DGKD: variants seen among roughly 807,000 people sequenced by gnomAD.
DGKD encodes the protein diacylglycerol kinase delta.
A neutral mutation model predicts 154.4 loss-of-function variants in DGKD; 68 were observed. That is an observed-to-expected ratio of 0.44 (90% CI 0.36 to 0.54). DGKD has a LOEUF of 0.54. Among genes scored for constraint, DGKD ranks in the 20% least tolerant of loss-of-function variants. The probability of loss-of-function intolerance (pLI) is 0.00; values close to 1 mark genes in which losing one functional copy is unlikely to be tolerated. For missense variants in DGKD, 1,343 were observed against 1,593.6 expected, an observed-to-expected ratio of 0.84 and a Z score of 2.68; for synonymous variants, 693 against 638.0, an observed-to-expected ratio of 1.09 and a Z score of -1.30.
At chr2:233,426,576 G>A (rs918736356) in intron 3 of DGKD, among the ~76,000 whole-genome samples, 3 of 152,060 alleles carry the variant, frequency 2.0e-5, no homozygotes, top group Non-Finnish European at 4.4e-5. Context: ...AGTATATGTC[G>A]TCTTGTGTCA....
intron 10 of DGKD, among the ~76,000 whole-genome samples, chr2:233,443,686 C>T (rs935468485): frequency 5.3e-5 from 8 of 152,350 alleles, no homozygotes; most frequent in East Asian, 1.9e-4. Context: ...TTTGACAGCT[C>T]GGGCCGTGAG....
chr2:233,360,758 T>A (rs1391267572), intron 1 of DGKD, among the ~76,000 whole-genome samples: 7 of 152,066 alleles, frequency 4.6e-5, no homozygotes, highest in African/African-American at 1.2e-4. Context: ...GGTTTCTTTA[T>A]AAGAGGAAGG....
In DGKD at chr2:233,451,003, G is replaced by A; in HGVS notation, c.2120G>A (p.Gly707Glu). The A allele has an allele frequency of 5.0e-6, 8 of 1,612,394 alleles. No homozygotes were observed. The highest frequency in any genetic ancestry group is 5.9e-6 in the Non-Finnish European group (7 of 1,178,548). Residue 707 changes from glycine to glutamate, a missense_variant, in exon 17 of 30, where the codon GGA becomes GAA. Gly to Glu is a moderately conservative substitution (Grantham distance 98). Coordinates refer to ENST00000264057, the MANE Select transcript of DGKD (RefSeq NM_152879.3). ...GSSASLPPQP[G>E]SRDGLPALNT... ...TCTGCTTCCCTTCCGCCCCAGCCGG[G>A]AAGCCGGGACGGCCTGCCTGCGCTC...
At chr2:233,455,431 G>A (rs1331771158) in intron 19 of DGKD, among the ~76,000 whole-genome samples, 1 of 152,200 alleles carries the variant, frequency 6.6e-6, no homozygotes, top group African/African-American at 2.4e-5. Flanking sequence ...AAAATGAGAA[G>A]GGTCCCTCTT....
Position 233,449,311 on chromosome 2 carries a change from A to C in DGKD, c.1823A>C (p.Gln608Pro). The change falls in exon 15 of 30, where the codon CAG becomes CCG. Residue 608 changes from glutamine (Q) to proline (P), a missense_variant. Physicochemically the swap from Gln to Pro is moderately conservative, Grantham distance 76. Coordinates refer to ENST00000264057, the MANE Select transcript of DGKD (RefSeq NM_152879.3). The surrounding 1 kb of genome is among the most constrained non-coding windows in gnomAD (Gnocchi z 5.3). ...ARPQIFRPREQLMLRANSLKK... is the reference protein window; with the variant it reads ...ARPQIFRPREPLMLRANSLKK... The stretch of plus-strand genomic sequence containing the variant: ...CCGCAGATATTCCGGCCTCGAGAAC[A>C]GCTCATGCTGAGAGCCAACAGCCTG... 1 of 1,612,788 alleles carries C rather than the reference A, an allele frequency of 6.2e-7. No individual in the cohort carries two copies. Among genetic ancestry groups the C allele is most frequent in the Non-Finnish European group, 8.5e-7 (1 of 1,178,988 alleles).
intron 1 of DGKD, among the ~76,000 whole-genome samples, chr2:233,376,789 C>G (rs763367138): frequency 2.5e-4 from 38 of 152,182 alleles, no homozygotes; most frequent in Admixed American, 4.6e-4. Context: ...AATGAGTAAT[C>G]TTTGGAAAGT....
intron 16 of DGKD, among the ~76,000 whole-genome samples, chr2:233,450,352 G>A (rs936005316): frequency 6.6e-6 from 1 of 152,110 alleles, no homozygotes. Context: ...TAGAACCCGC[G>A]AGACCCCCTC....
chr2:233,359,204 G>A (rs761662785), intron 1 of DGKD, among the ~76,000 whole-genome samples: 4 of 152,218 alleles, frequency 2.6e-5, no homozygotes, highest in Non-Finnish European at 5.9e-5. Flanking sequence ...GCATGCGATT[G>A]TGGACAGGGT....
rs577387229 is a variant in DGKD, at chr2:233,459,046, G to A, written c.2694+649G>A. 1.7e-4 allele frequency among the ~76,000 whole-genome samples: 26 copies of A among 152,342 alleles called. No homozygotes were observed. In the South Asian group the frequency reaches 4.6e-3, roughly 27 times the overall value. ...GGGACGGAGCCCATGGCTCTGATGT[G>A]GGGTGTGGGAGGATTTCCAGCTGGG... On this transcript the variant is annotated intron_variant, in intron 22 of 29. Coordinates refer to ENST00000264057, the MANE Select transcript of DGKD (RefSeq NM_152879.3). The surrounding 1 kb of genome is among the most constrained non-coding windows in gnomAD (Gnocchi z 5.7).
rs2124987541 is a variant in DGKD, at chr2:233,471,747, A to G, written c.*2287A>G. ...AAGTTAGAATGTGAGGAAGGAATGAACATGAGTGTTTAGGAACCTGCCCTT... is the reference window on the plus strand; with the variant it reads ...AAGTTAGAATGTGAGGAAGGAATGAGCATGAGTGTTTAGGAACCTGCCCTT... On this transcript the variant is annotated 3_prime_UTR_variant, in exon 30 of 30. Transcript: ENST00000264057. 1 of 152,530 alleles carries G rather than the reference A, an allele frequency of 6.6e-6. No homozygotes were observed. Among genetic ancestry groups the G allele is most frequent in the Non-Finnish European group, 1.5e-5 (1 of 68,046 alleles). The allele number at this position is 152,530 out of a possible 1,614,324, so 9.4% of individuals were successfully genotyped here.
At chr2:233,355,606 C>T (rs1357707942) in intron 1 of DGKD, among the ~76,000 whole-genome samples, 1 of 152,216 alleles carries the variant, frequency 6.6e-6, no homozygotes, top group Non-Finnish European at 1.5e-5. Context: ...TCTCTTCTGT[C>T]AGCCTTTGAT....
intron 1 of DGKD, among the ~76,000 whole-genome samples, chr2:233,367,823 C>T (rs1027145834): frequency 9.6e-5 from 14 of 145,354 alleles, no homozygotes; most frequent in African/African-American, 3.6e-4. Flanking sequence ...TTACAGATTT[C>T]TAGGTCTTTT....
Position 233,410,491 on chromosome 2 carries a change from T to TAATCACACCAATGAAGAG in DGKD, c.348+20010_348+20027dup, listed in dbSNP as rs1459507908. Among the ~76,000 whole-genome samples, 5 of 152,214 alleles carry TAATCACACCAATGAAGAG rather than the reference T, an allele frequency of 3.3e-5. No individual in the cohort carries two copies. In the East Asian group the frequency reaches 9.6e-4, roughly 29 times the overall value. The stretch of plus-strand genomic sequence containing the variant: ...TCACTAGATACCTTGGGGTGATATC[T>TAATCACACCAATGAAGAG]AATCACACCAATGAAGAGATTGGGT... On this transcript the variant is annotated intron_variant, in intron 3 of 29. Coordinates refer to ENST00000264057, the MANE Select transcript of DGKD (RefSeq NM_152879.3).
At chr2:233,451,418 G>A (rs367850399) in intron 17 of DGKD, among the ~76,000 whole-genome samples, 47 of 152,248 alleles carry the variant, frequency 3.1e-4, no homozygotes, top group East Asian at 2.3e-3. Flanking sequence ...CGCAGGAGGC[G>A]CAGGGAGGGT....
chr2:233,407,408 A>C (rs2061712827), intron 3 of DGKD, among the ~76,000 whole-genome samples: 1 of 152,246 alleles, frequency 6.6e-6, no homozygotes, highest in Admixed American at 6.5e-5. Context: ...TTTAACATAT[A>C]AGATGCCTTT....
chr2:233,378,182 G>A (rs1245871885), intron 1 of DGKD, among the ~76,000 whole-genome samples: 1 of 151,778 alleles, frequency 6.6e-6, no homozygotes, highest in African/African-American at 2.4e-5. Context: ...GGGAGGCCAA[G>A]GCGGGTGGAT....
At chr2:233,414,336 G>A (rs934082814) in intron 3 of DGKD, among the ~76,000 whole-genome samples, 2 of 152,214 alleles carry the variant, frequency 1.3e-5, no homozygotes, top group Non-Finnish European at 2.9e-5. Context: ...TAGAGGTTGG[G>A]CTTGGGAATC....
At chr2:233,374,668 G>A (rs1477491992) in intron 1 of DGKD, among the ~76,000 whole-genome samples, 1 of 151,432 alleles carries the variant, frequency 6.6e-6, no homozygotes, top group Non-Finnish European at 1.5e-5. Context: ...TTAGAGGCAC[G>A]GTCTTGTTCT....
At chr2:233,393,361 G>A (rs1426491757) in intron 3 of DGKD, among the ~76,000 whole-genome samples, 1 of 142,398 alleles carries the variant, frequency 7.0e-6, no homozygotes, top group Non-Finnish European at 1.5e-5. Flanking sequence ...TTTTGAGACA[G>A]GGTCTTGCTC....
Sources: allele counts gnomAD v4.1 joint callset (sites outside exome capture counted in the v4.1 genomes callset), GRCh38; gene constraint gnomAD v4.1.1; non-coding constraint Gnocchi (gnomAD v3.1); transcripts MANE v1.5; gene names NCBI Gene and HGNC (gene_info 2026-07-23, HGNC 2026-07-21).